Variants in EYS observed in about 807,000 individuals in gnomAD.
EYS encodes the protein EGF-like photoreceptor maintenance factor.
In EYS, 250 loss-of-function variants were observed where a neutral mutation model predicts 282.1. The observed-to-expected ratio is 0.89, with a 90% CI of 0.80 to 0.98. The LOEUF is 0.98. EYS is among the 50% of genes least tolerant of loss of function. EYS has a pLI of 0.00. For synonymous variants in EYS, 1,355 were observed against 1,282.9 expected (o/e 1.06, Z -1.20); for missense variants, 4,016 against 3,709.0 (o/e 1.08, Z -2.15).
intron 24 of EYS, among the ~76,000 whole-genome samples, chr6:64,607,377 A>C (rs1766967998): frequency 6.6e-6 from 1 of 152,108 alleles, no homozygotes; most frequent in South Asian, 2.1e-4. Context: ...GTTGACTTAT[A>C]AATAACAGAA....
intron 15 of EYS, among the ~76,000 whole-genome samples, chr6:64,935,263 C>A (rs900758583): frequency 6.6e-6 from 1 of 151,472 alleles, no homozygotes; most frequent in African/African-American, 2.4e-5. Context: ...ATATAGAAAA[C>A]AAATGGCATA....
chr6:65,317,997 A>T (rs1210548416), intron 11 of EYS, among the ~76,000 whole-genome samples: 1 of 150,948 alleles, frequency 6.6e-6, no homozygotes, highest in Non-Finnish European at 1.5e-5. Flanking sequence ...CCTCCAGAGT[A>T]GCTGGGATGA....
chr6:65,045,135 A>G (rs1185787801), intron 13 of EYS, among the ~76,000 whole-genome samples: 1 of 151,810 alleles, frequency 6.6e-6, no homozygotes, highest in Admixed American at 6.6e-5. Flanking sequence ...TGGTTTGTCT[A>G]TATGCTATTC....
At chr6:64,482,831 G>A (rs1420917727) in intron 26 of EYS, among the ~76,000 whole-genome samples, 4 of 151,666 alleles carry the variant, frequency 2.6e-5, no homozygotes, top group Non-Finnish European at 5.9e-5. Context: ...AGATGACTAA[G>A]TATATTTTTT....
At chr6:63,958,485 G>A (rs1464112412) in intron 35 of EYS, among the ~76,000 whole-genome samples, 3 of 152,172 alleles carry the variant, frequency 2.0e-5, no homozygotes, top group African/African-American at 4.8e-5. Flanking sequence ...TAACATAAAA[G>A]TGCAAGGTGA....
chr6:64,185,499 G>T (rs1764908692), intron 31 of EYS, among the ~76,000 whole-genome samples: 1 of 152,118 alleles, frequency 6.6e-6, no homozygotes, highest in Admixed American at 6.6e-5. Context: ...ATCAGTGAAT[G>T]ACAAATTAAT....
At chr6:63,879,914 T>C (rs79430478) in intron 35 of EYS, among the ~76,000 whole-genome samples, 3,660 of 152,286 alleles carry the variant, frequency 0.024, 150 homozygotes, top group African/African-American at 0.084. Context: ...TTTGAAGTCA[T>C]AACATTTTTT....
chr6:64,593,837 T>A (rs73455457), intron 24 of EYS, among the ~76,000 whole-genome samples: 248 of 152,292 alleles, frequency 1.6e-3, no homozygotes, highest in African/African-American at 5.7e-3. Flanking sequence ...ATTTCTACCA[T>A]ATCCTATAAA....
intron 7 of EYS, among the ~76,000 whole-genome samples, chr6:65,387,267 C>T (rs1325379193): frequency 6.6e-6 from 1 of 151,846 alleles, no homozygotes; most frequent in Non-Finnish European, 1.5e-5. Flanking sequence ...GGGAACACAG[C>T]ATGAATAGAG....
chr6:63,806,223 T>C lies in EYS; in HGVS notation c.7378A>G (p.Asn2460Asp), dbSNP rs1358455064. The C allele has an allele frequency of 1.9e-6, 3 of 1,551,376 alleles. No homozygotes were observed. In the African/African-American group the frequency reaches 4.1e-5, roughly 21 times the overall value. Reference sequence around the variant, plus strand: ...TTCTGTCCAGTAAAAAATATCAAGTTATTTTGCAGTGCTGAGTGGTTGTTT... The same window carrying C: ...TTCTGTCCAGTAAAAAATATCAAGTCATTTTGCAGTGCTGAGTGGTTGTTT... ...LANNHSALQN[N>D]LIFFTGQKGH... The change falls in exon 37 of 43, where the codon AAC becomes GAC. Residue 2460 changes from asparagine (N) to aspartate (D), a missense_variant. Coordinates refer to ENST00000503581, the MANE Select transcript of EYS (RefSeq NM_001142800.2).
chr6:63,760,389 A>G (rs986854505), intron 41 of EYS, among the ~76,000 whole-genome samples: 1 of 152,062 alleles, frequency 6.6e-6, no homozygotes, highest in African/African-American at 2.4e-5. Context: ...GTAACTGGAC[A>G]TATTGCCTAT....
rs116762870 is a variant in EYS at position 63,724,068 on chromosome 6, A to G, written c.8234-2271T>C. On this transcript the variant is annotated intron_variant, in intron 42 of 42. Transcript: ENST00000503581. ...GTGATCCGCCCACCTCGGCCTCCCA[A>G]AGTGGTGGGATTACAGGCATATGCC... 8.4e-3 allele frequency among the ~76,000 whole-genome samples: 1,275 copies of G among 152,266 alleles called. 3 individuals are homozygous for G. The highest frequency in any genetic ancestry group is 0.037 in the Middle Eastern group (11 of 294).
At chr6:65,558,196 A>T (rs1768893935) in intron 2 of EYS, among the ~76,000 whole-genome samples, 1 of 152,208 alleles carries the variant, frequency 6.6e-6, no homozygotes, top group African/African-American at 2.4e-5. Flanking sequence ...GTCTGTGCCA[A>T]GGGGCAACTG....
At chr6:64,816,742 A>G (rs1410887035) in intron 21 of EYS, among the ~76,000 whole-genome samples, 2 of 152,120 alleles carry the variant, frequency 1.3e-5, no homozygotes, top group East Asian at 1.9e-4. Flanking sequence ...CACACAAACA[A>G]ATGAGCAAGA....
At chr6:64,061,434 A>G (rs1771167472) in intron 33 of EYS, among the ~76,000 whole-genome samples, 1 of 152,198 alleles carries the variant, frequency 6.6e-6, no homozygotes, top group Non-Finnish European at 1.5e-5. Context: ...GTGCATGAGT[A>G]TGAATTACAG....
At chr6:64,980,342 G>A (rs1770613201) in intron 14 of EYS, among the ~76,000 whole-genome samples, 1 of 151,356 alleles carries the variant, frequency 6.6e-6, no homozygotes, top group Admixed American at 6.6e-5. Flanking sequence ...CAGAATATAT[G>A]GCTGGTTTCA....
intron 15 of EYS, among the ~76,000 whole-genome samples, chr6:64,942,818 T>A (rs1583315942): frequency 1.7e-5 from 2 of 119,852 alleles, no homozygotes; most frequent in Non-Finnish European, 1.6e-5. Context: ...CATTCTACTG[T>A]AACTCTTCCA....
At chr6:65,670,000 ACTCCTC>A (rs57880191) in intron 1 of EYS, among the ~76,000 whole-genome samples, 3 of 151,362 alleles carry the variant, frequency 2.0e-5, no homozygotes, top group African/African-American at 7.3e-5. Context: ...TGCCTCTCTG[ACTCCTC>A]CTCCTCCTCA....
At chr6:65,560,409 TATA>T (rs1769007300) in intron 2 of EYS, among the ~76,000 whole-genome samples, 1 of 146,530 alleles carries the variant, frequency 6.8e-6, no homozygotes, top group Non-Finnish European at 1.5e-5. Flanking sequence ...AACATAATTA[TATA>T]ATAACAATAT....
Sources: allele counts gnomAD v4.1 joint callset (sites outside exome capture counted in the v4.1 genomes callset), GRCh38; gene constraint gnomAD v4.1.1; transcripts MANE v1.5; gene names NCBI Gene and HGNC (gene_info 2026-07-23, HGNC 2026-07-21).